ENO4: variants seen among roughly 807,000 people sequenced by gnomAD.
The protein encoded by ENO4 is enolase 4, also known as 2-phospho-D-glycerate hydro-lyase.
A neutral mutation model predicts 63.2 loss-of-function variants in ENO4; 53 were observed. The ratio of observed to expected loss-of-function variants is 0.84; its 90% CI spans 0.67 to 1.05. The LOEUF (loss-of-function observed/expected upper bound fraction) is 1.05. Ranked by LOEUF, ENO4 falls within the 50% of genes least tolerant of loss-of-function variation. The pLI is 0.00. For missense variants in ENO4, 719 were observed against 772.0 expected, an observed-to-expected ratio of 0.93 and a Z score of 0.81; for synonymous variants, 266 against 283.8, an observed-to-expected ratio of 0.94 and a Z score of 0.63.
In ENO4 at chr10:116,860,863, GTA is replaced by G; in HGVS notation, c.706_707del (p.Met236GlyfsTer18). On this transcript the variant is annotated frameshift_variant, in exon 5 of 14. Coordinates refer to ENST00000341276, the MANE Select transcript of ENO4 (RefSeq NM_001242699.2). LOFTEE classifies it high-confidence loss of function. ...CCTGTTGAGCCTGTACTCAGTGGCA[GTA>G]TGGCCATAGGGGCCGTGTCACTAGC... is the stretch of plus-strand genomic sequence containing the variant. The G allele has an allele frequency of 6.5e-7, 1 of 1,549,466 alleles. No individual in the cohort carries two copies. Among genetic ancestry groups the G allele is most frequent in the South Asian group, 1.2e-5 (1 of 83,902 alleles).
intron 1 of ENO4, 79 bp from the exon 2 acceptor site, chr10:116,855,544 A>G (rs1363633934): frequency 6.7e-7 from 1 of 1,502,502 alleles, no homozygotes; most frequent in Non-Finnish European, 8.9e-7. Context: ...TTGAAGATAA[A>G]GTAGATATGG....
intron 7 of ENO4, among the ~76,000 whole-genome samples, chr10:116,867,513 C>G (rs939269561): frequency 1.3e-5 from 2 of 151,872 alleles, no homozygotes; most frequent in Non-Finnish European, 2.9e-5. Context: ...TGTTTGAGCT[C>G]AGGCGTTCGA....
At chr10:116,899,506 G>GGGGTGTGT (rs1554906586) in intron 10 of ENO4, among the ~76,000 whole-genome samples, 2 of 124,500 alleles carry the variant, frequency 1.6e-5, no homozygotes, top group African/African-American at 5.9e-5. Flanking sequence ...GGCTGGGGCT[G>GGGGTGTGT]GTGTGTGTGT....
chr10:116,907,260 C>T (rs1037832454), intron 10 of ENO4, among the ~76,000 whole-genome samples: 1 of 152,142 alleles, frequency 6.6e-6, no homozygotes, highest in Admixed American at 6.5e-5. Flanking sequence ...ACATAATGCT[C>T]TCCAGGGGCC....
intron 1 of ENO4, among the ~76,000 whole-genome samples, chr10:116,854,796 C>T (rs1385823619): frequency 6.6e-6 from 1 of 151,240 alleles, no homozygotes; most frequent in East Asian, 1.9e-4. Flanking sequence ...TAAAAATTAG[C>T]CGGGTGTGGT....
In ENO4 at chr10:116,877,387, TCA is replaced by T. The variant is rs574587813; in HGVS notation, c.1537+1128_1537+1129del. On this transcript the variant is annotated intron_variant, in intron 11 of 13. Coordinates refer to ENST00000341276, the MANE Select transcript of ENO4 (RefSeq NM_001242699.2). ...TAGCTACTTATAATATATCCCGACATCAGTCAGCCATTTTAATTTGCATTACT... is the reference window on the plus strand; with the variant it reads ...TAGCTACTTATAATATATCCCGACATGTCAGCCATTTTAATTTGCATTACT... Among the ~76,000 whole-genome samples the T allele has an allele frequency of 1.5e-4, 23 of 152,274 alleles. No individual in the cohort carries two copies. In the East Asian group the frequency reaches 4.4e-3, roughly 29 times the overall value.
chr10:116,861,078 C>T lies in ENO4; in HGVS notation c.824C>T (p.Ser275Phe). 6.5e-7 allele frequency: 1 copy of T among 1,549,376 alleles called. No homozygotes were observed. The highest frequency in any genetic ancestry group is 8.7e-7 in the Non-Finnish European group (1 of 1,146,558). ...TTTCAGGAACAGCCAACAACGCTAT[C>T]TATGCCTTTGCTGATGGTATCGCTG... Reference protein sequence around the residue: ...KHNQEQPTTLSMPLLMVSLVS... With the variant: ...KHNQEQPTTLFMPLLMVSLVS... Residue 275 changes from serine (S) to phenylalanine (F), a missense_variant, in exon 6 of 14, where the codon TCT (serine) becomes TTT (phenylalanine). Physicochemically the swap from Ser to Phe is radical, Grantham distance 155. Coordinates refer to ENST00000341276, the MANE Select transcript of ENO4 (RefSeq NM_001242699.2).
chr10:116,911,322 C>T (rs964676353), intron 10 of ENO4, among the ~76,000 whole-genome samples: 1 of 152,184 alleles, frequency 6.6e-6, no homozygotes, highest in African/African-American at 2.4e-5. Flanking sequence ...CTCAATTTAT[C>T]ATCAAATAAT....
chr10:116,885,185 C>A (rs1436605609), downstream of ENO4: 1 of 152,596 alleles, frequency 6.6e-6, no homozygotes, highest in African/African-American at 2.4e-5. Context: ...AGGTGAAAAA[C>A]ACCTGACAGC....
At chr10:116,870,574 C>T (rs1303178511) in intron 8 of ENO4, among the ~76,000 whole-genome samples, 1 of 152,074 alleles carries the variant, frequency 6.6e-6, no homozygotes, top group Non-Finnish European at 1.5e-5. Context: ...CTGGGGAAGT[C>T]GAGGCTGCAG....
At chr10:116,911,895 C>T, downstream of ENO4, 1 of 1,301,308 alleles carries the variant, frequency 7.7e-7, no homozygotes, top group Non-Finnish European at 1.1e-6. Flanking sequence ...TTTAAAAATA[C>T]TAAACAATGA....
chr10:116,857,380 C>T (rs1405886833), intron 3 of ENO4, among the ~76,000 whole-genome samples: 2 of 152,166 alleles, frequency 1.3e-5, no homozygotes, highest in Non-Finnish European at 2.9e-5. Context: ...CCTCCAGCCA[C>T]AACTAAGTCT....
chr10:116,889,998 G>A (rs773006314), intron 10 of ENO4, among the ~76,000 whole-genome samples: 41 of 152,234 alleles, frequency 2.7e-4, no homozygotes, highest in Non-Finnish European at 5.4e-4. Flanking sequence ...TATGGGAAGA[G>A]CCACAGAGCC....
rs1240253869 is a variant in ENO4, at chr10:116,867,015, T to C, written c.991-1635T>C. ...TTTTGAGAAAAAAATGCTGAAGAAA[T>C]GGTATGTTTTCTCATGCAGGCCCCA... On this transcript the variant is annotated intron_variant, in intron 7 of 13. Coordinates refer to ENST00000341276, the MANE Select transcript of ENO4 (RefSeq NM_001242699.2). Among the ~76,000 whole-genome samples the C allele has an allele frequency of 4.6e-5, 7 of 152,154 alleles. No homozygotes were observed. The East Asian group carries it at 1.4e-3, about 29-fold the overall frequency.
At chr10:116,876,332 T>TCAA in intron 11 of ENO4, 72 bp downstream of exon 11, 1 of 1,160,422 alleles carries the variant, frequency 8.6e-7, no homozygotes. Context: ...ACACAGCATA[T>TCAA]CAAAGTTACT....
At chr10:116,873,022 A>G (rs1276810268) in intron 9 of ENO4, among the ~76,000 whole-genome samples, 8 of 152,230 alleles carry the variant, frequency 5.3e-5, no homozygotes, top group Admixed American at 5.2e-4. Flanking sequence ...ACCAGGAACT[A>G]TGAATATACT....
intron 8 of ENO4, 65 bp from the exon 9 acceptor site, chr10:116,871,060 C>T: frequency 7.1e-7 from 1 of 1,403,802 alleles, no homozygotes; most frequent in Non-Finnish European, 9.8e-7. Context: ...CCATGCTTAT[C>T]ACAGGAAGCG....
At chr10:116,854,965 A>AAAAAG (rs1846216364) in intron 1 of ENO4, among the ~76,000 whole-genome samples, 1 of 148,656 alleles carries the variant, frequency 6.7e-6, no homozygotes, top group African/African-American at 2.5e-5. Flanking sequence ...AAAAAAAAAA[A>AAAAAG]AAAGAAAGAA....
intron 10 of ENO4, among the ~76,000 whole-genome samples, chr10:116,910,225 G>C (rs1374880595): frequency 1.3e-5 from 2 of 152,080 alleles, no homozygotes; most frequent in Non-Finnish European, 2.9e-5. Context: ...AGAGAGTAGG[G>C]GAGAGGATCA....
Sources: allele counts gnomAD v4.1 joint callset (sites outside exome capture counted in the v4.1 genomes callset), GRCh38; gene constraint gnomAD v4.1.1; transcripts MANE v1.5; gene names NCBI Gene and HGNC (gene_info 2026-07-23, HGNC 2026-07-21).